The following SHANK2 variants were observed in gnomAD, a reference collection of about 807,000 sequenced individuals.
The protein encoded by SHANK2 is SH3 and multiple ankyrin repeat domains protein 2.
A neutral mutation model predicts 133.7 loss-of-function variants in SHANK2; 43 were observed. The observed-to-expected ratio is 0.32, with a 90% confidence interval of 0.25 to 0.41. The LOEUF is 0.41. Among genes scored for constraint, SHANK2 ranks in the 10% least tolerant of loss-of-function variants. SHANK2 has a pLI of 1.00. For synonymous variants in SHANK2, 1,017 were observed against 952.8 expected (o/e 1.07, Z -1.24); for missense variants, 1,994 against 2,235.8 (o/e 0.89, Z 2.18).
intron 3 of SHANK2, among the ~76,000 whole-genome samples, chr11:71,123,224 A>G (rs1310068073): frequency 2.0e-5 from 3 of 152,218 alleles, no homozygotes; most frequent in Non-Finnish European, 4.4e-5. Context: ...GGCCTGACAC[A>G]GTACAGGTGA....
At chr11:71,152,751 G>T (rs1952822257) in intron 2 of SHANK2, among the ~76,000 whole-genome samples, 1 of 152,170 alleles carries the variant, frequency 6.6e-6, no homozygotes, top group South Asian at 2.1e-4. Context: ...CACCTCCCGG[G>T]CTCTTTCCAG....
intron 17 of SHANK2, among the ~76,000 whole-genome samples, chr11:70,637,477 G>C (rs2134133522): frequency 6.6e-6 from 1 of 152,260 alleles, no homozygotes; most frequent in South Asian, 2.1e-4. Flanking sequence ...TCCTCCTGCG[G>C]TGCAGAATCC....
intron 10 of SHANK2, among the ~76,000 whole-genome samples, chr11:70,899,798 T>G (rs1949998258): frequency 6.6e-6 from 1 of 152,176 alleles, no homozygotes; most frequent in African/African-American, 2.4e-5. Context: ...TCTCCTGCAC[T>G]CCTACAGACC....
chr11:70,905,870 G>A (rs1950096094), intron 10 of SHANK2, among the ~76,000 whole-genome samples: 2 of 148,520 alleles, frequency 1.3e-5, no homozygotes, highest in Admixed American at 6.7e-5. Context: ...TGAGTGCAGT[G>A]GCACGATCTC....
intron 14 of SHANK2, among the ~76,000 whole-genome samples, chr11:70,784,445 C>T (rs1002245760): frequency 7.2e-6 from 1 of 138,070 alleles, no homozygotes; most frequent in East Asian, 2.2e-4. Context: ...CAACCTCTGC[C>T]TCCTGGGTTC....
intron 10 of SHANK2, among the ~76,000 whole-genome samples, chr11:70,939,134 C>A (rs1230123599): frequency 3.9e-5 from 6 of 152,158 alleles, no homozygotes; most frequent in Admixed American, 1.3e-4. Context: ...GAGGACCAGG[C>A]TGTTCTTTCT....
chr11:70,802,543 C>A (rs558352643), intron 13 of SHANK2, among the ~76,000 whole-genome samples: 8 of 152,308 alleles, frequency 5.3e-5, no homozygotes, highest in African/African-American at 1.7e-4. Context: ...ATGCTGGTTT[C>A]TAATGTACCT....
At chr11:70,810,962 C>A (rs1265763707) in intron 12 of SHANK2, among the ~76,000 whole-genome samples, 2 of 152,150 alleles carry the variant, frequency 1.3e-5, no homozygotes, top group East Asian at 1.9e-4. Flanking sequence ...TAGGCCCCAT[C>A]AGGACTGAAG....
In SHANK2 at chr11:70,553,932, C is replaced by T. The variant is rs72942883; in HGVS notation, c.2062-51001G>A. The stretch of plus-strand genomic sequence containing the variant: ...GTGATTCAGGGGTCCCTGCGTGTGC[C>T]GCAGAAGAGGCTACAGGCCTGGTGG... On this transcript the variant is annotated intron_variant, in intron 17 of 25. Transcript: ENST00000601538. 3.7e-3 allele frequency among the ~76,000 whole-genome samples: 564 copies of T among 152,310 alleles called. 5 individuals are homozygous for T. Among genetic ancestry groups the T allele is most frequent in the Admixed American group, 5.2e-3 (80 of 15,302 alleles).
rs539778211 is a variant in SHANK2, at chr11:70,905,886, A to G, written c.1108-9319T>C. Among the ~76,000 whole-genome samples, 385 of 148,204 alleles carry G rather than the reference A, an allele frequency of 2.6e-3. 3 individuals carry two copies. The highest frequency in any genetic ancestry group is 9.4e-3 in the Admixed American group (137 of 14,570). ...GAGTGCAGTGGCACGATCTCCAGTC[A>G]CTGCAGCCTCTGCCTCCTGGGTTCA... On this transcript the variant is annotated intron_variant, in intron 10 of 25. Coordinates refer to ENST00000601538, the MANE Select transcript of SHANK2 (RefSeq NM_012309.5).
At chr11:71,079,018 C>G (rs1203917520) in intron 8 of SHANK2, among the ~76,000 whole-genome samples, 1 of 152,218 alleles carries the variant, frequency 6.6e-6, no homozygotes, top group Non-Finnish European at 1.5e-5. Flanking sequence ...TTGGGCTCAC[C>G]TGCCCTGCAT....
At chr11:71,163,064 C>T (rs1362042844) in intron 2 of SHANK2, among the ~76,000 whole-genome samples, 1 of 88,186 alleles carries the variant, frequency 1.1e-5, no homozygotes, top group Non-Finnish European at 2.1e-5. Context: ...CAGAGTGAGA[C>T]TCTGTCTAAA....
intron 2 of SHANK2, among the ~76,000 whole-genome samples, chr11:71,224,354 A>G (rs1555121850): frequency 6.6e-6 from 1 of 151,922 alleles, no homozygotes; most frequent in African/African-American, 2.4e-5. Context: ...ACCCCCGTTC[A>G]TGTGAAAATG....
intron 17 of SHANK2, among the ~76,000 whole-genome samples, chr11:70,596,573 G>A (rs936283427): frequency 1.3e-5 from 2 of 152,222 alleles, no homozygotes; most frequent in Non-Finnish European, 2.9e-5. Context: ...AACCACTGAG[G>A]GCAGAATCCT....
chr11:70,527,710 G>A (rs1554972405), intron 17 of SHANK2, among the ~76,000 whole-genome samples: 1 of 152,218 alleles, frequency 6.6e-6, no homozygotes, highest in Admixed American at 6.5e-5. Flanking sequence ...GGGATGTGGT[G>A]GTGACTCAGA....
chr11:70,515,637 G>GAAAAAAAAAAAA (rs58440823), intron 17 of SHANK2, among the ~76,000 whole-genome samples: 11 of 79,956 alleles, frequency 1.4e-4, no homozygotes, highest in African/African-American at 6.0e-4. Flanking sequence ...CTCGTTCCTT[G>GAAAAAAAAAAAA]AAAAAAAAAA....
chr11:70,677,874 C>G (rs868907288), intron 15 of SHANK2, among the ~76,000 whole-genome samples: 1 of 152,206 alleles, frequency 6.6e-6, no homozygotes, highest in South Asian at 2.1e-4. Context: ...TAAGAACGAG[C>G]TGCTTGTCCC....
intron 3 of SHANK2, 59 bp from the exon 4 acceptor site, chr11:71,119,091 T>C (rs1293737992): frequency 4.7e-6 from 7 of 1,483,510 alleles, no homozygotes; most frequent in Admixed American, 2.0e-5. Flanking sequence ...GAGTCACCCA[T>C]GTGGGGCGCG....
At chr11:70,673,498 C>T (rs1944853988) in intron 15 of SHANK2, among the ~76,000 whole-genome samples, 1 of 152,214 alleles carries the variant, frequency 6.6e-6, no homozygotes, top group Admixed American at 6.5e-5. Flanking sequence ...GAGGCAAGTT[C>T]CCAAGTCCCT....
Sources: allele counts gnomAD v4.1 joint callset (sites outside exome capture counted in the v4.1 genomes callset), GRCh38; gene constraint gnomAD v4.1.1; transcripts MANE v1.5; gene names NCBI Gene and HGNC (gene_info 2026-07-23, HGNC 2026-07-21).